The following GLIS1 variants were observed in gnomAD, a reference collection of about 807,000 sequenced individuals.
The protein encoded by GLIS1 is zinc finger protein GLIS1.
A neutral mutation model predicts 63.8 loss-of-function variants in GLIS1; 24 were observed. The ratio of observed to expected loss-of-function variants is 0.38; its 90% CI spans 0.27 to 0.53. The LOEUF (loss-of-function observed/expected upper bound fraction) is 0.53. Among genes scored for constraint, GLIS1 ranks in the 20% least tolerant of loss-of-function variants. The probability of loss-of-function intolerance (pLI) is 0.85; values close to 1 mark genes in which losing one functional copy is unlikely to be tolerated. For synonymous variants in GLIS1, 450 were observed against 482.5 expected (o/e 0.93, Z 0.88); for missense variants, 1,036 against 1,074.1 (o/e 0.96, Z 0.50).
chr1:53,518,193 G>A (rs533010999), intron 7 of GLIS1, among the ~76,000 whole-genome samples: 89 of 152,276 alleles, frequency 5.8e-4, no homozygotes, highest in Non-Finnish European at 9.7e-4. Context: ...GAAGCAGCTC[G>A]AGGACAGGGC....
At chr1:53,635,843 G>A (rs1309753438) in intron 2 of GLIS1, among the ~76,000 whole-genome samples, 1 of 152,144 alleles carries the variant, frequency 6.6e-6, no homozygotes, top group Non-Finnish European at 1.5e-5. Flanking sequence ...TTTGTGAAAT[G>A]TACTCAAAAT....
At chr1:53,556,156 CTG>C (rs1424839487) in intron 4 of GLIS1, among the ~76,000 whole-genome samples, 3 of 95,716 alleles carry the variant, frequency 3.1e-5, no homozygotes, top group African/African-American at 8.5e-5. Context: ...TGTACTGCAG[CTG>C]TGTGTGTGTA....
In GLIS1 at chr1:53,574,116, C is replaced by G. The variant is rs116316115; in HGVS notation, c.1320+19992G>C. Among the ~76,000 whole-genome samples, 1 of 152,326 alleles carries G rather than the reference C, an allele frequency of 6.6e-6. No individual in the cohort carries two copies. Among genetic ancestry groups the G allele is most frequent in the African/African-American group, 2.4e-5 (1 of 41,582 alleles). ...GTGATCTGGGTGGGGCCTCACCACT[C>G]TGAGACCACCCACACCTCTGTGGTC... On this transcript the variant is annotated intron_variant, in intron 4 of 10. Coordinates refer to ENST00000628545, the MANE Select transcript of GLIS1 (RefSeq NM_001367484.1). The surrounding 1 kb of genome is among the most constrained non-coding windows in gnomAD (Gnocchi z 4.2).
At chr1:53,676,039 T>C (rs1230961052) in intron 2 of GLIS1, among the ~76,000 whole-genome samples, 1 of 152,198 alleles carries the variant, frequency 6.6e-6, no homozygotes, top group Non-Finnish European at 1.5e-5. Context: ...GAACCCTCTT[T>C]TATTTTGAAG....
intron 2 of GLIS1, among the ~76,000 whole-genome samples, chr1:53,681,356 C>T (rs770010847): frequency 1.1e-4 from 17 of 152,358 alleles, no homozygotes; most frequent in South Asian, 1.0e-3. Flanking sequence ...AGTTTCAGGG[C>T]CTCATCATCT....
At chr1:53,668,719 A>G (rs1480392058) in intron 2 of GLIS1, among the ~76,000 whole-genome samples, 2 of 152,210 alleles carry the variant, frequency 1.3e-5, no homozygotes, top group African/African-American at 2.4e-5. Context: ...AGCTGCTTAC[A>G]GTATTGAGTA....
At chr1:53,587,124 AG>A (rs1173213479) in intron 4 of GLIS1, among the ~76,000 whole-genome samples, 3 of 152,194 alleles carry the variant, frequency 2.0e-5, no homozygotes, top group Admixed American at 2.0e-4. Flanking sequence ...CAAGACCCAA[AG>A]GATTTAAAGG....
rs1646937977 is a variant in GLIS1, at chr1:53,738,716, A to T, written c.-43+389T>A. Among the ~76,000 whole-genome samples, 3 of 152,108 alleles carry T rather than the reference A, an allele frequency of 2.0e-5. No individual in the cohort carries two copies. The South Asian group carries it at 6.2e-4, about 31-fold the overall frequency. ...CGCGAACCCATCACGCGCAGCCGGG[A>T]CACCCACATTCCTATGCGCAGCGGA... On this transcript the variant is annotated intron_variant, in intron 1 of 10. Transcript: ENST00000628545.
chr1:53,536,006 C>T (rs1445759422), intron 4 of GLIS1, among the ~76,000 whole-genome samples: 2 of 152,106 alleles, frequency 1.3e-5, no homozygotes, highest in East Asian at 1.9e-4. Context: ...GCTTCCCGAC[C>T]CGATGAATCA....
In GLIS1 at chr1:53,606,341, G is replaced by A. The variant is rs1250289235; in HGVS notation, c.260-6063C>T. Among the ~76,000 whole-genome samples, 9 of 152,314 alleles carry A rather than the reference G, an allele frequency of 5.9e-5. No homozygotes were observed. The South Asian group carries it at 6.2e-4, about 11-fold the overall frequency. Reference sequence around the variant, plus strand: ...CTTCCCCAGGAGGCTGAGCATGGGCGTGGCAGCCCCCTCTCTGAGCCTAGC... The same window carrying A: ...CTTCCCCAGGAGGCTGAGCATGGGCATGGCAGCCCCCTCTCTGAGCCTAGC... On this transcript the variant is annotated intron_variant, in intron 2 of 10. Transcript: ENST00000628545.
At chr1:53,677,074 A>G (rs1411516696) in intron 2 of GLIS1, among the ~76,000 whole-genome samples, 1 of 152,170 alleles carries the variant, frequency 6.6e-6, no homozygotes. Context: ...CACAAGCCCA[A>G]GCTCTCCTTC....
chr1:53,605,936 C>T (rs907016672), intron 2 of GLIS1, among the ~76,000 whole-genome samples: 7 of 152,164 alleles, frequency 4.6e-5, no homozygotes, highest in Non-Finnish European at 1.0e-4. Context: ...ATATGCCAGA[C>T]ACTGTGACTT....
rs960199800 is a variant in GLIS1 at position 53,526,661 on chromosome 1, A to C, written c.1483-1774T>G. Among the ~76,000 whole-genome samples, 5 of 152,220 alleles carry C rather than the reference A, an allele frequency of 3.3e-5. No homozygotes were observed. The highest frequency in any genetic ancestry group is 6.5e-5 in the Admixed American group (1 of 15,290). ...CACACACGGCCCTGCCCTGTCCCTG[A>C]GCCGGCCCCAGGACTGTCCCTTGGG... On this transcript the variant is annotated intron_variant, in intron 5 of 10. Transcript: ENST00000628545. This position sits in a 1 kb window ranked among gnomAD's most constrained non-coding sequence, Gnocchi z 4.4.
At chr1:53,696,836 A>G (rs1646470207) in intron 2 of GLIS1, among the ~76,000 whole-genome samples, 1 of 152,132 alleles carries the variant, frequency 6.6e-6, no homozygotes, top group Non-Finnish European at 1.5e-5. Flanking sequence ...ACAGGTCATC[A>G]TCCACTCTTG....
intron 2 of GLIS1, among the ~76,000 whole-genome samples, chr1:53,605,835 C>G (rs1282519496): frequency 6.6e-6 from 1 of 152,224 alleles, no homozygotes; most frequent in Non-Finnish European, 1.5e-5. Flanking sequence ...TTCCCTCATT[C>G]CCAGCACAGT....
chr1:53,655,674 C>G (rs1332898636), intron 2 of GLIS1, among the ~76,000 whole-genome samples: 5 of 152,206 alleles, frequency 3.3e-5, no homozygotes, highest in Non-Finnish European at 5.9e-5. Context: ...CATCGCTGCT[C>G]CACACAGTGA....
At chr1:53,553,394 C>T (rs999007379) in intron 4 of GLIS1, among the ~76,000 whole-genome samples, 3 of 152,158 alleles carry the variant, frequency 2.0e-5, no homozygotes, top group Non-Finnish European at 4.4e-5. Context: ...ATCCATACCA[C>T]CAGGACCCAT....
At chr1:53,638,964 A>C (rs1370713628) in intron 2 of GLIS1, among the ~76,000 whole-genome samples, 1 of 152,032 alleles carries the variant, frequency 6.6e-6, no homozygotes, top group African/African-American at 2.4e-5. Context: ...TGGGGCAGGG[A>C]GTGGAGGGCA....
At chr1:53,645,263 T>A (rs1246588072) in intron 2 of GLIS1, among the ~76,000 whole-genome samples, 3 of 152,154 alleles carry the variant, frequency 2.0e-5, no homozygotes, top group Non-Finnish European at 1.5e-5. Flanking sequence ...GTCGTGCTAT[T>A]CCAAACACGA....
Sources: gnomAD v4.1 joint callset for allele counts (sites outside exome capture counted in the v4.1 genomes callset) on GRCh38, gnomAD v4.1.1 for gene constraint, Gnocchi (gnomAD v3.1) non-coding constraint, MANE v1.5 for transcripts, NCBI Gene and HGNC (gene_info 2026-07-23, HGNC 2026-07-21) for gene names.